Variants in DLG2 observed in about 807,000 individuals in gnomAD.
DLG2 encodes disks large homolog 2.
Under a neutral mutation model 132.5 loss-of-function variants are expected in DLG2, and 45 were observed. The observed-to-expected ratio is 0.34, with a 90% CI of 0.27 to 0.44. The LOEUF (loss-of-function observed/expected upper bound fraction) is 0.44. Ranked by LOEUF, DLG2 falls within the 20% of genes least tolerant of loss-of-function variation. The pLI is 1.00. For missense variants in DLG2, 1,045 were observed against 1,196.9 expected (o/e 0.87, Z 1.87); for synonymous variants, 424 against 419.6 (o/e 1.01, Z -0.13).
intron 8 of DLG2, among the ~76,000 whole-genome samples, chr11:84,188,613 T>A (rs771689031): frequency 2.0e-5 from 3 of 152,120 alleles, no homozygotes; most frequent in South Asian, 4.1e-4. Context: ...TGAGCTAATA[T>A]TGGAGTGAAA....
At chr11:84,342,512 G>C (rs1371749718) in intron 7 of DLG2, among the ~76,000 whole-genome samples, 1 of 152,040 alleles carries the variant, frequency 6.6e-6, no homozygotes, top group Non-Finnish European at 1.5e-5. Flanking sequence ...ACTGTCTTTT[G>C]GGTATCTGTT....
At chr11:84,783,205 A>G (rs1001079698) in intron 6 of DLG2, among the ~76,000 whole-genome samples, 1 of 152,170 alleles carries the variant, frequency 6.6e-6, no homozygotes, top group Non-Finnish European at 1.5e-5. Context: ...AGGAAAAATG[A>G]TGTGATTTGA....
At chr11:83,631,167 C>CTTTTTTTTTT (rs57696126) in intron 19 of DLG2, 16 of 91,624 alleles carry the variant, frequency 1.7e-4, no homozygotes, top group African/African-American at 2.2e-4. Flanking sequence ...TTGCTTCTTG[C>CTTTTTTTTTT]TTTTTTTTTT....
At chr11:84,629,824 A>G (rs2099628538) in intron 6 of DLG2, among the ~76,000 whole-genome samples, 1 of 152,182 alleles carries the variant, frequency 6.6e-6, no homozygotes, top group Non-Finnish European at 1.5e-5. Context: ...GAAAGGGGAG[A>G]AAAGGAAAAG....
intron 11 of DLG2, among the ~76,000 whole-genome samples, chr11:84,012,411 T>G (rs1051078232): frequency 6.6e-6 from 1 of 152,164 alleles, no homozygotes; most frequent in Non-Finnish European, 1.5e-5. Flanking sequence ...TTTGGAAAAC[T>G]TGGTGAGACT....
intron 17 of DLG2, among the ~76,000 whole-genome samples, chr11:83,818,987 T>C (rs1310477086): frequency 6.6e-6 from 1 of 152,172 alleles, no homozygotes; most frequent in African/African-American, 2.4e-5. Flanking sequence ...TCCTGTCTGC[T>C]ACACACAAAG....
At chr11:85,122,818 C>T (rs2074485404) in intron 5 of DLG2, among the ~76,000 whole-genome samples, 1 of 149,658 alleles carries the variant, frequency 6.7e-6, no homozygotes, top group South Asian at 2.1e-4. Context: ...GATATACATG[C>T]AAATTATATA....
Position 84,020,729 on chromosome 11 carries a change from C to T in DLG2, c.919+38586G>A, listed in dbSNP as rs185023890. On this transcript the variant is annotated intron_variant, in intron 11 of 27. Transcript: ENST00000376104. The stretch of plus-strand genomic sequence containing the variant: ...CTTGTGGGCAAGGACATTTGTATTG[C>T]TATCTGCATAGCCCCTTCACAATAA... Among the ~76,000 whole-genome samples the T allele has an allele frequency of 1.5e-4, 23 of 152,298 alleles. No individual in the cohort carries two copies. In the East Asian group the frequency reaches 4.0e-3, roughly 27 times the overall value.
chr11:85,244,411 A>G (rs2076037535), intron 4 of DLG2, among the ~76,000 whole-genome samples: 1 of 151,994 alleles, frequency 6.6e-6, no homozygotes, highest in Non-Finnish European at 1.5e-5. Flanking sequence ...TCATCCACCA[A>G]TGATATACGA....
chr11:84,892,506 T>A (rs967454775), intron 6 of DLG2, among the ~76,000 whole-genome samples: 4 of 152,134 alleles, frequency 2.6e-5, no homozygotes, highest in East Asian at 1.9e-4. Context: ...ATAAATAAAT[T>A]GAGTATTTTT....
intron 6 of DLG2, among the ~76,000 whole-genome samples, chr11:84,802,350 G>A (rs1187793862): frequency 5.3e-5 from 8 of 152,110 alleles, no homozygotes; most frequent in African/African-American, 1.9e-4. Context: ...AAGGAATAAT[G>A]AAGCACTCCG....
chr11:84,034,075 C>T (rs902691634), intron 11 of DLG2, among the ~76,000 whole-genome samples: 10 of 151,782 alleles, frequency 6.6e-5, no homozygotes, highest in Non-Finnish European at 1.0e-4. Context: ...GAGCGAAACT[C>T]GGTCTCAAAA....
At chr11:83,728,591 T>A (rs188621593) in intron 18 of DLG2, among the ~76,000 whole-genome samples, 1 of 152,230 alleles carries the variant, frequency 6.6e-6, no homozygotes, top group Non-Finnish European at 1.5e-5. Context: ...CTTGCTTGGC[T>A]GAAGGTTCCA....
chr11:84,776,911 A>G (rs1318612660), intron 6 of DLG2, among the ~76,000 whole-genome samples: 1 of 152,118 alleles, frequency 6.6e-6, no homozygotes, highest in Non-Finnish European at 1.5e-5. Context: ...TTATTTGTAT[A>G]AATTACTGGG....
chr11:84,184,660 A>G (rs2096238097), intron 8 of DLG2, among the ~76,000 whole-genome samples: 1 of 152,024 alleles, frequency 6.6e-6, no homozygotes, highest in Non-Finnish European at 1.5e-5. Flanking sequence ...CTATGTCCTG[A>G]ATGGTATTGC....
intron 3 of DLG2, among the ~76,000 whole-genome samples, chr11:85,367,672 A>G (rs531298501): frequency 1.5e-4 from 23 of 152,278 alleles, no homozygotes; most frequent in African/African-American, 4.8e-4. Context: ...ATATGAAGAT[A>G]AAATACTTCA....
chr11:84,321,532 C>T lies in DLG2; in HGVS notation c.520-70241G>A, dbSNP rs551967931. ...GTCTTGTCTGTGCCTCACACTCTTG[C>T]TCTGTCCTCCAACCATACAGGCCTT... On this transcript the variant is annotated intron_variant, in intron 7 of 27. Coordinates refer to ENST00000376104, the MANE Select transcript of DLG2 (RefSeq NM_001142699.3). Among the ~76,000 whole-genome samples, 26 of 152,268 alleles carry T rather than the reference C, an allele frequency of 1.7e-4. No individual in the cohort carries two copies. In the South Asian group the frequency reaches 5.2e-3, roughly 30 times the overall value.
intron 6 of DLG2, among the ~76,000 whole-genome samples, chr11:84,581,994 C>A (rs2099517745): frequency 2.0e-5 from 3 of 150,274 alleles, no homozygotes; most frequent in Non-Finnish European, 4.4e-5. Flanking sequence ...TGTTCATATT[C>A]ACAAATAAAG....
intron 4 of DLG2, among the ~76,000 whole-genome samples, chr11:85,227,281 C>T (rs1554996239): frequency 6.6e-6 from 1 of 151,738 alleles, no homozygotes; most frequent in Admixed American, 6.6e-5. Flanking sequence ...TAAAGATTAC[C>T]AGTTTGTAAT....
Sources: gnomAD v4.1 joint callset for allele counts (sites outside exome capture counted in the v4.1 genomes callset) on GRCh38, gnomAD v4.1.1 for gene constraint, MANE v1.5 for transcripts, NCBI Gene and HGNC (gene_info 2026-07-23, HGNC 2026-07-21) for gene names.